The following NVL variants were observed in gnomAD, a reference collection of about 807,000 sequenced individuals.
NVL encodes nuclear valosin-containing protein-like.
NVL carries 84 observed loss-of-function variants against 110.2 expected under a neutral mutation model. That is an observed-to-expected ratio of 0.76 (90% confidence interval 0.64 to 0.91). The LOEUF (loss-of-function observed/expected upper bound fraction) is 0.91. Among genes scored for constraint, NVL ranks in the 40% least tolerant of loss-of-function variants. NVL has a pLI of 0.00. For synonymous variants in NVL, 354 were observed against 361.1 expected (o/e 0.98, Z 0.22); for missense variants, 882 against 1,035.9 (o/e 0.85, Z 2.04).
At chr1:224,235,701 G>A (rs1660387702) in intron 20 of NVL, among the ~76,000 whole-genome samples, 1 of 152,110 alleles carries the variant, frequency 6.6e-6, no homozygotes, top group Admixed American at 6.6e-5. Context: ...GCTGAGGCAT[G>A]AGGGACTACT....
At chr1:224,232,567 G>A (rs1042416547) in intron 21 of NVL, among the ~76,000 whole-genome samples, 10 of 151,912 alleles carry the variant, frequency 6.6e-5, no homozygotes, top group Non-Finnish European at 1.2e-4. Flanking sequence ...GGTTTGTTGC[G>A]CAGGCTGCTC....
At chr1:224,318,655 C>G (rs137885019) in intron 2 of NVL, among the ~76,000 whole-genome samples, 1 of 151,454 alleles carries the variant, frequency 6.6e-6, no homozygotes, top group Non-Finnish European at 1.5e-5. Flanking sequence ...ACAGACCCTT[C>G]GTCTCAAAAA....
intron 17 of NVL, among the ~76,000 whole-genome samples, chr1:224,270,388 C>G (rs527889080): frequency 6.6e-5 from 10 of 152,160 alleles, no homozygotes; most frequent in African/African-American, 2.4e-4. Flanking sequence ...AAAACCCCAT[C>G]TCTACTAAAA....
At chr1:224,329,417 T>C (rs958122235) in intron 1 of NVL, among the ~76,000 whole-genome samples, 10 of 151,948 alleles carry the variant, frequency 6.6e-5, no homozygotes, top group Non-Finnish European at 1.3e-4. Flanking sequence ...TAGGAAAAGA[T>C]GGGTCCGAAA....
intron 19 of NVL, among the ~76,000 whole-genome samples, chr1:224,237,526 A>G (rs538430830): frequency 2.6e-5 from 4 of 152,314 alleles, no homozygotes; most frequent in African/African-American, 9.6e-5. Context: ...AGTAACTTGC[A>G]TGCATACATT....
At chr1:224,249,719 T>G (rs1376109601) in intron 19 of NVL, among the ~76,000 whole-genome samples, 1 of 152,020 alleles carries the variant, frequency 6.6e-6, no homozygotes, top group Non-Finnish European at 1.5e-5. Flanking sequence ...CACTCCAGCC[T>G]GGGTGACAGA....
At chr1:224,295,038 A>C (rs1407511835) in intron 11 of NVL, among the ~76,000 whole-genome samples, 1 of 152,238 alleles carries the variant, frequency 6.6e-6, no homozygotes, top group Non-Finnish European at 1.5e-5. Context: ...ATTTCTAGGA[A>C]TGGACAAAAC....
intron 17 of NVL, among the ~76,000 whole-genome samples, chr1:224,272,099 G>A (rs925776187): frequency 6.6e-6 from 1 of 151,916 alleles, no homozygotes; most frequent in African/African-American, 2.4e-5. Flanking sequence ...ACTTTGGAAG[G>A]CTGAGGCAGG....
At chr1:224,294,519 G>T in intron 11 of NVL, 108 bp from the exon 12 acceptor site, 1 of 1,069,980 alleles carries the variant, frequency 9.3e-7, no homozygotes, top group Non-Finnish European at 1.4e-6. Flanking sequence ...GATTTTGACA[G>T]CAACATACAT....
At position 224,264,256 on chromosome 1, in the gene NVL, T is replaced by G. The variant is rs111543716; in HGVS notation, c.2182+3778A>C. 4.2e-3 allele frequency among the ~76,000 whole-genome samples: 635 copies of G among 151,894 alleles called. 3 individuals carry two copies. Among genetic ancestry groups the G allele is most frequent in the African/African-American group, 0.015 (608 of 41,430 alleles). On this transcript the variant is annotated intron_variant, in intron 18 of 22. Coordinates refer to ENST00000281701, the MANE Select transcript of NVL (RefSeq NM_002533.4). ...AATAAAAATGGTGATTTTTTTTTTT[T>G]TTTGTGAGATGGAGTCTCACTCTGT...
chr1:224,268,075 G>A lies in NVL; in HGVS notation c.2141C>T (p.Ala714Val), dbSNP rs1443346532. 6.2e-7 allele frequency: 1 copy of A among 1,613,902 alleles called. No homozygotes were observed. The highest frequency in any genetic ancestry group is 8.5e-7 in the Non-Finnish European group (1 of 1,179,984). ...TGCCATAATAAAAACCTGCTGGCGT[G>A]CTTCCAGACCATCCATCTCTGTAAG... ...QLLTEMDGLE[A>V]RQQVFIMAAT... The change falls in exon 18 of 23, where the codon GCA (alanine) becomes GTA (valine). Residue 714 changes from alanine (A) to valine (V), a missense_variant. Transcript: ENST00000281701.
intron 18 of NVL, among the ~76,000 whole-genome samples, chr1:224,255,053 G>A (rs1377536963): frequency 6.6e-6 from 1 of 150,684 alleles, no homozygotes; most frequent in Non-Finnish European, 1.5e-5. Context: ...TGTATTTTTG[G>A]TAGAGACGGG....
At chr1:224,323,131 T>C (rs970921153) in intron 2 of NVL, among the ~76,000 whole-genome samples, 2 of 152,098 alleles carry the variant, frequency 1.3e-5, no homozygotes, top group Non-Finnish European at 2.9e-5. Flanking sequence ...ATATTGGAAA[T>C]TGGAAGAAAG....
chr1:224,326,204 G>C (rs891532179), intron 2 of NVL, among the ~76,000 whole-genome samples, 187 bp downstream of exon 2: 1 of 152,188 alleles, frequency 6.6e-6, no homozygotes, highest in Non-Finnish European at 1.5e-5. Context: ...CAGTACAAAA[G>C]ACATTTTACT....
intron 17 of NVL, among the ~76,000 whole-genome samples, chr1:224,274,058 A>ACACACACACACACACACC (rs569757319): frequency 6.6e-6 from 1 of 151,452 alleles, no homozygotes; most frequent in Admixed American, 6.6e-5. Context: ...ACACACACAC[A>ACACACACACACACACACC]CCCATATTGA....
In NVL at chr1:224,290,563, G is replaced by A. The variant is rs991310836; in HGVS notation, c.1326-830C>T. Among the ~76,000 whole-genome samples, 3 of 152,100 alleles carry A rather than the reference G, an allele frequency of 2.0e-5. No individual in the cohort carries two copies. The South Asian group carries it at 6.2e-4, about 32-fold the overall frequency. ...ACACCTTGTAATCCCAGCACTTTGG[G>A]AGGCCGAGGCAGGCAGATCACGAGG... On this transcript the variant is annotated intron_variant, in intron 12 of 22. Coordinates refer to ENST00000281701, the MANE Select transcript of NVL (RefSeq NM_002533.4).
chr1:224,289,721 T>A lies in NVL; in HGVS notation c.1338A>T (p.Thr446=). 6.2e-7 allele frequency: 1 copy of A among 1,613,108 alleles called. No individual in the cohort carries two copies. The highest frequency in any genetic ancestry group is 2.2e-5 in the East Asian group (1 of 44,866). The stretch of plus-strand genomic sequence containing the variant: ...GAGGAAGCCTCAGTTTTCTGCACAA[T>A]GTTTGAAGTATTCTGTAGAAAAGAC... ...DEASRERILQ[T]LCRKLRLPQA... Residue 446 remains threonine, a synonymous_variant, in exon 13 of 23, where the codon ACA becomes ACT. Coordinates refer to ENST00000281701, the MANE Select transcript of NVL (RefSeq NM_002533.4).
chr1:224,254,126 CTG>C (rs1358565588), intron 18 of NVL, among the ~76,000 whole-genome samples: 1 of 152,136 alleles, frequency 6.6e-6, no homozygotes, highest in Non-Finnish European at 1.5e-5. Context: ...GAGTCTCACT[CTG>C]TCGCCCAGGC....
intron 19 of NVL, among the ~76,000 whole-genome samples, chr1:224,246,947 T>G (rs1201285577): frequency 6.6e-6 from 1 of 151,174 alleles, no homozygotes; most frequent in African/African-American, 2.4e-5. Flanking sequence ...GAGGCTGAAG[T>G]AGGAGATATG....
Sources: allele counts gnomAD v4.1 joint callset (sites outside exome capture counted in the v4.1 genomes callset), GRCh38; gene constraint gnomAD v4.1.1; transcripts MANE v1.5; gene names NCBI Gene and HGNC (gene_info 2026-07-23, HGNC 2026-07-21).